The following RYK variants were observed in gnomAD, a reference collection of about 807,000 sequenced individuals.
RYK encodes inactive tyrosine-protein kinase RYK.
Under a neutral mutation model 70.2 loss-of-function variants are expected in RYK, and 21 were observed. The ratio of observed to expected loss-of-function variants is 0.30; its 90% CI spans 0.21 to 0.43. The LOEUF is 0.43. Ranked by LOEUF, RYK falls within the 20% of genes least tolerant of loss-of-function variation. The pLI is 1.00. For synonymous variants in RYK, 267 were observed against 278.0 expected, an observed-to-expected ratio of 0.96 and a Z score of 0.39; for missense variants, 604 against 753.3, an observed-to-expected ratio of 0.80 and a Z score of 2.32.
At chr3:134,222,306 C>A in intron 2 of RYK, 112 bp downstream of exon 2, 1 of 1,079,798 alleles carries the variant, frequency 9.3e-7, no homozygotes, top group Admixed American at 2.1e-5. Flanking sequence ...ACTATTATAT[C>A]ACATCACCAG....
At chr3:134,247,359 G>A (rs2015492847) in intron 1 of RYK, among the ~76,000 whole-genome samples, 1 of 152,186 alleles carries the variant, frequency 6.6e-6, no homozygotes, top group South Asian at 2.1e-4. Flanking sequence ...CCCCTGGAAA[G>A]TAGAGCCTGA....
At chr3:134,195,245 C>A in intron 6 of RYK, 63 bp from the exon 7 acceptor site, 1 of 1,211,546 alleles carries the variant, frequency 8.3e-7, no homozygotes, top group Non-Finnish European at 1.2e-6. Flanking sequence ...TTCCTTTTTC[C>A]ATACATACAA....
intron 2 of RYK, among the ~76,000 whole-genome samples, chr3:134,219,380 G>A (rs113152839): frequency 6.6e-6 from 1 of 152,130 alleles, no homozygotes; most frequent in Non-Finnish European, 1.5e-5. Context: ...ATTTTGTTCA[G>A]TCCTGACTGC....
intron 13 of RYK, among the ~76,000 whole-genome samples, chr3:134,163,345 C>T (rs1365701645): frequency 6.6e-6 from 1 of 152,158 alleles, no homozygotes; most frequent in Non-Finnish European, 1.5e-5. Context: ...TTTAGACAGA[C>T]TTATTCTATA....
At chr3:134,241,294 G>A (rs556245785) in intron 1 of RYK, among the ~76,000 whole-genome samples, 1 of 151,258 alleles carries the variant, frequency 6.6e-6, no homozygotes, top group Non-Finnish European at 1.5e-5. Flanking sequence ...AGACTGCAGT[G>A]AGCTGAGATT....
At chr3:134,229,860 C>T (rs2015010988) in intron 1 of RYK, among the ~76,000 whole-genome samples, 1 of 152,058 alleles carries the variant, frequency 6.6e-6, no homozygotes, top group African/African-American at 2.4e-5. Flanking sequence ...ACAGTGAGAG[C>T]CATTAGCACC....
At chr3:134,231,111 G>T (rs2015046870) in intron 1 of RYK, among the ~76,000 whole-genome samples, 1 of 149,742 alleles carries the variant, frequency 6.7e-6, no homozygotes, top group Non-Finnish European at 1.5e-5. Context: ...ACAGTTCAAA[G>T]TATCAAGAGC....
At chr3:134,179,688 C>T (rs970407532) in intron 10 of RYK, 16 of 152,214 alleles carry the variant, frequency 1.1e-4, no homozygotes, top group African/African-American at 3.9e-4. Flanking sequence ...AGCTTCCTTT[C>T]CACCAACTCC....
At chr3:134,184,199 G>C (rs1576509083) in intron 9 of RYK, among the ~76,000 whole-genome samples, 1 of 152,168 alleles carries the variant, frequency 6.6e-6, no homozygotes, top group Middle Eastern at 3.4e-3. Context: ...ACCAAAATTA[G>C]AATTATGCCA....
chr3:134,167,118 A>C (rs1485702825), intron 13 of RYK, among the ~76,000 whole-genome samples: 1 of 152,174 alleles, frequency 6.6e-6, no homozygotes, highest in Non-Finnish European at 1.5e-5. Flanking sequence ...CATTACTCTA[A>C]AATTAATAAT....
At chr3:134,184,879 A>G (rs1477849342) in intron 9 of RYK, among the ~76,000 whole-genome samples, 1 of 151,806 alleles carries the variant, frequency 6.6e-6, no homozygotes, top group Admixed American at 6.6e-5. Context: ...AGAAACCCAT[A>G]ACGAATTTTT....
At chr3:134,224,455 T>C (rs182056357) in intron 1 of RYK, among the ~76,000 whole-genome samples, 15 of 152,332 alleles carry the variant, frequency 9.8e-5, no homozygotes, top group African/African-American at 3.1e-4. Flanking sequence ...GTGTACAGGA[T>C]GGAACATGAA....
chr3:134,232,551 A>T (rs1167428325), intron 1 of RYK, among the ~76,000 whole-genome samples: 1 of 152,216 alleles, frequency 6.6e-6, no homozygotes, highest in African/African-American at 2.4e-5. Context: ...ATTCACTACC[A>T]TAGACTGAGG....
intron 6 of RYK, among the ~76,000 whole-genome samples, chr3:134,198,194 T>C (rs186989341): frequency 8.5e-5 from 13 of 152,356 alleles, no homozygotes; most frequent in South Asian, 2.1e-4. Flanking sequence ...TCAATCTAAA[T>C]AGATTATCTC....
At chr3:134,186,234 TAATTTC>T (rs2013456093) in intron 9 of RYK, among the ~76,000 whole-genome samples, 1 of 152,262 alleles carries the variant, frequency 6.6e-6, no homozygotes, top group Non-Finnish European at 1.5e-5. Context: ...TTCGGGTTGC[TAATTTC>T]AATCTCTGGA....
intron 11 of RYK, among the ~76,000 whole-genome samples, 193 bp downstream of exon 11, chr3:134,177,748 G>GT (rs11453827): frequency 0.019 from 2,876 of 152,298 alleles, 80 homozygotes; most frequent in African/African-American, 0.066. Flanking sequence ...TCAGCACAGT[G>GT]TAAGCCTCAA....
At position 134,176,743 on chromosome 3, in the gene RYK, T is replaced by C. The variant is rs753377481; in HGVS notation, c.1306-704A>G. ...CCTTGGTGACTGAGATCCTGTCTAA[T>C]GAAACAAAAAACAAAAAAACCCTGC... On this transcript the variant is annotated intron_variant, in intron 11 of 14. Coordinates refer to ENST00000623711, the MANE Select transcript of RYK (RefSeq NM_002958.4). Among the ~76,000 whole-genome samples, 29 of 151,660 alleles carry C rather than the reference T, an allele frequency of 1.9e-4. 1 individual carries two copies. The South Asian group carries it at 3.1e-3, about 16-fold the overall frequency.
chr3:134,218,008 G>A (rs975305328), intron 2 of RYK, among the ~76,000 whole-genome samples: 2 of 151,972 alleles, frequency 1.3e-5, no homozygotes, highest in Admixed American at 6.6e-5. Flanking sequence ...AAAAAACATC[G>A]TAAGACGGTT....
At chr3:134,166,386 A>G (rs1014827399) in intron 13 of RYK, among the ~76,000 whole-genome samples, 1 of 152,210 alleles carries the variant, frequency 6.6e-6, no homozygotes, top group African/African-American at 2.4e-5. Context: ...ATGAGAATTC[A>G]TTGTTTGTTA....
Sources: allele counts gnomAD v4.1 joint callset (sites outside exome capture counted in the v4.1 genomes callset), GRCh38; gene constraint gnomAD v4.1.1; transcripts MANE v1.5; gene names NCBI Gene and HGNC (gene_info 2026-07-23, HGNC 2026-07-21).